Variants in FANCL observed in about 807,000 individuals in gnomAD.
FANCL encodes FA complementation group L, also known as E3 ubiquitin-protein ligase FANCL.
In FANCL, 69 loss-of-function variants were observed where a neutral mutation model predicts 59.4. The observed-to-expected ratio is 1.16, with a 90% CI of 0.96 to 1.42. The LOEUF (loss-of-function observed/expected upper bound fraction) is 1.42, where lower values mean the gene tolerates loss of function less well. FANCL is among the 40% of genes most tolerant of loss of function. The pLI, the probability that FANCL is intolerant of heterozygous loss-of-function variation, is 0.00. For synonymous variants in FANCL, 180 were observed against 147.1 expected (o/e 1.22, Z -1.62); for missense variants, 519 against 447.2 (o/e 1.16, Z -1.45).
chr2:58,229,405 C>G (rs1319516671), intron 3 of FANCL, among the ~76,000 whole-genome samples: 1 of 152,120 alleles, frequency 6.6e-6, no homozygotes, highest in Admixed American at 6.5e-5. Flanking sequence ...TATGCAAGTA[C>G]ACATGATCCT....
At chr2:58,223,454 A>C (rs1313430589) in intron 4 of FANCL, among the ~76,000 whole-genome samples, 1 of 151,992 alleles carries the variant, frequency 6.6e-6, no homozygotes, top group African/African-American at 2.4e-5. Context: ...TGAAGGTAAA[A>C]ATAAACCTGG....
chr2:58,159,649 C>T lies in FANCL; in HGVS notation c.*116G>A. ...TGTTTATTATTATCGCATCATCATA[C>T]CTGTCCTTTTGATGTTAGTATTTCT... is the stretch of plus-strand genomic sequence containing the variant. On this transcript the variant is annotated 3_prime_UTR_variant, in exon 14 of 14. Transcript: ENST00000233741. 6.2e-7 allele frequency: 1 copy of T among 1,613,646 alleles called. No homozygotes were observed. Among genetic ancestry groups the T allele is most frequent in the Non-Finnish European group, 8.5e-7 (1 of 1,179,710 alleles).
intron 1 of FANCL, among the ~76,000 whole-genome samples, chr2:58,233,097 C>T (rs1693730566): frequency 6.6e-6 from 1 of 151,980 alleles, no homozygotes; most frequent in South Asian, 2.1e-4. Flanking sequence ...GTACTACTGA[C>T]CTTTTCAAAA....
intron 6 of FANCL, among the ~76,000 whole-genome samples, chr2:58,199,681 T>TCTC (rs1689797716): frequency 6.6e-6 from 1 of 152,154 alleles, no homozygotes; most frequent in Non-Finnish European, 1.5e-5. Context: ...ATTTCCTTAT[T>TCTC]AGAGAATCAT....
chr2:58,191,126 A>AT (rs982157616), intron 7 of FANCL, among the ~76,000 whole-genome samples: 4 of 151,724 alleles, frequency 2.6e-5, no homozygotes, highest in African/African-American at 9.7e-5. Context: ...CCCCTGGATT[A>AT]TAAAAAAAAA....
chr2:58,198,789 G>A (rs1010371940), intron 6 of FANCL, 127 bp from the exon 7 acceptor site: 11 of 692,034 alleles, frequency 1.6e-5, no homozygotes, highest in Non-Finnish European at 2.6e-5. Flanking sequence ...CAGCACTTTG[G>A]GAGGCCGAGG....
intron 8 of FANCL, among the ~76,000 whole-genome samples, chr2:58,164,144 CTTTTATACATT>C (rs952027019): frequency 1.3e-5 from 2 of 151,944 alleles, no homozygotes; most frequent in African/African-American, 4.8e-5. Flanking sequence ...GCACTAGGTT[CTTTTATACATT>C]TTAACTGTAC....
chr2:58,178,018 C>A (rs1209054061), intron 7 of FANCL, among the ~76,000 whole-genome samples: 1 of 152,012 alleles, frequency 6.6e-6, no homozygotes, highest in Non-Finnish European at 1.5e-5. Context: ...TGGACACATA[C>A]ACCCTCCCAA....
At chr2:58,160,721 AGTATTTCTGTAATTTGACCT>A (rs1685026464) in intron 12 of FANCL, among the ~76,000 whole-genome samples, 1 of 152,018 alleles carries the variant, frequency 6.6e-6, no homozygotes, top group Non-Finnish European at 1.5e-5. Flanking sequence ...GTTCCCTTAG[AGTATTTCTGTAATTTGACCT>A]GTATTTCTGT....
intron 7 of FANCL, among the ~76,000 whole-genome samples, chr2:58,169,455 G>A (rs184957841): frequency 5.9e-5 from 9 of 152,150 alleles, no homozygotes; most frequent in East Asian, 1.9e-4. Flanking sequence ...GGAAAAACTC[G>A]CACAAAAAGG....
chr2:58,204,260 C>T (rs765040501), intron 5 of FANCL, 34 bp from the exon 6 acceptor site: 14 of 1,491,900 alleles, frequency 9.4e-6, no homozygotes, highest in Middle Eastern at 1.7e-4. Context: ...AATGATCACA[C>T]CGGGGAGAGC....
chr2:58,212,485 T>C (rs1276870944), intron 5 of FANCL, among the ~76,000 whole-genome samples: 1 of 152,160 alleles, frequency 6.6e-6, no homozygotes, highest in Non-Finnish European at 1.5e-5. Context: ...GGGACATATT[T>C]GAGACTGACA....
chr2:58,218,108 T>A (rs912237983), intron 5 of FANCL, among the ~76,000 whole-genome samples: 1 of 151,916 alleles, frequency 6.6e-6, no homozygotes, highest in Non-Finnish European at 1.5e-5. Context: ...ACAATGAAAA[T>A]TAATATTTTT....
At chr2:58,175,681 G>C (rs1322662322) in intron 7 of FANCL, among the ~76,000 whole-genome samples, 11 of 152,134 alleles carry the variant, frequency 7.2e-5, no homozygotes, top group African/African-American at 1.4e-4. Flanking sequence ...CAATATCACA[G>C]TGAATGGGCA....
At position 58,159,778 on chromosome 2, in the gene FANCL, C is replaced by G. The variant is rs149803148; in HGVS notation, c.1115G>C (p.Gly372Ala). The change falls in exon 14 of 14, where the codon GGA (glycine) becomes GCA (alanine). Residue 372 changes from glycine to alanine, a missense_variant. Physicochemically the swap from Gly to Ala is moderately conservative, Grantham distance 60 (BLOSUM62 0). Coordinates refer to ENST00000233741, the MANE Select transcript of FANCL (RefSeq NM_018062.4). ...TGTATTCTTATTTCAGTGTTTCCTT[C>G]CAGACATTTTTAAGGTAATTGGCTT... Reference protein sequence around the residue: ...CSKPITLKMSGRKH With the variant: ...CSKPITLKMSARKH 2.0e-4 allele frequency: 329 copies of G among 1,613,072 alleles called. 1 individual carries two copies. The African/African-American group carries it at 3.7e-3, about 18-fold the overall frequency.
At chr2:58,198,537 A>C (rs746101341) in intron 7 of FANCL, 57 bp downstream of exon 7, 3 of 1,438,848 alleles carry the variant, frequency 2.1e-6, no homozygotes, top group Non-Finnish European at 9.8e-7. Flanking sequence ...ACTCTGGGAC[A>C]ACTGTACTTT....
chr2:58,217,679 A>G (rs1691987676), intron 5 of FANCL, among the ~76,000 whole-genome samples: 1 of 152,104 alleles, frequency 6.6e-6, no homozygotes. Context: ...CAATAACATG[A>G]CTGCAAATAG....
intron 7 of FANCL, among the ~76,000 whole-genome samples, chr2:58,168,250 C>T (rs925625374): frequency 2.8e-4 from 43 of 152,204 alleles, no homozygotes; most frequent in African/African-American, 9.9e-4. Context: ...ACCAAGGTAC[C>T]GGCTCACCTC....
At position 58,232,124 on chromosome 2, in the gene FANCL, A is replaced by G. The variant is rs1693644924; in HGVS notation, c.97-12T>C. 2 of 1,609,940 alleles carry G rather than the reference A, an allele frequency of 1.2e-6. No individual in the cohort carries two copies. Among genetic ancestry groups the G allele is most frequent in the East Asian group, 4.5e-5 (2 of 44,760 alleles). On this transcript the variant is annotated splice_polypyrimidine_tract_variant and intron_variant, in intron 1 of 13. Transcript: ENST00000233741. ...TGGAAGTCTCTTCCCTGTGGAAAAT[A>G]TTGAAAAGGATCACTCAAATTTTTA...
Sources: allele counts gnomAD v4.1 joint callset (sites outside exome capture counted in the v4.1 genomes callset), GRCh38; gene constraint gnomAD v4.1.1; transcripts MANE v1.5; gene names NCBI Gene and HGNC (gene_info 2026-07-23, HGNC 2026-07-21).